LMTK3: variants seen among roughly 807,000 people sequenced by gnomAD.
LMTK3 encodes lemur tail kinase 3.
In LMTK3, 27 loss-of-function variants were observed where a neutral mutation model predicts 116.7. The ratio of observed to expected loss-of-function variants is 0.23; its 90% confidence interval spans 0.17 to 0.32. The LOEUF is 0.32. LMTK3 is among the 10% of genes least tolerant of loss of function. The pLI, the probability that LMTK3 is intolerant of heterozygous loss-of-function variation, is 1.00. For missense variants in LMTK3, 1,764 were observed against 2,068.5 expected, an observed-to-expected ratio of 0.85 and a Z score of 2.86; for synonymous variants, 965 against 971.0, an observed-to-expected ratio of 0.99 and a Z score of 0.11.
At chr19:48,509,278 G>A (rs1972618834) in intron 4 of LMTK3, among the ~76,000 whole-genome samples, 159 bp downstream of exon 4, 1 of 142,032 alleles carries the variant, frequency 7.0e-6, no homozygotes, top group Non-Finnish European at 1.6e-5. Context: ...GGGCGGGTGG[G>A]AGCCGGTGAG....
At chr19:48,493,428 A>C (rs1479377246) in intron 12 of LMTK3, among the ~76,000 whole-genome samples, 1 of 36,680 alleles carries the variant, frequency 2.7e-5, no homozygotes, top group African/African-American at 1.4e-4. Context: ...CTTAGGTCCC[A>C]CCCCAATTCA....
rs1342861036 is a variant in LMTK3, at chr19:48,500,475, A to G, written c.1151+521T>C. Among the ~76,000 whole-genome samples the G allele has an allele frequency of 1.3e-5, 2 of 152,030 alleles. No homozygotes were observed. Among genetic ancestry groups the G allele is most frequent in the African/African-American group, 4.8e-5 (2 of 41,436 alleles). On this transcript the variant is annotated intron_variant, in intron 10 of 14. Transcript: ENST00000600059. The surrounding 1 kb of genome is among the most constrained non-coding windows in gnomAD (Gnocchi z 4.0). ...GAGACCCAGAGAGAGAGGGACAGAG[A>G]CCCAGAGAGAGGGGGACAGAGACCT...
At chr19:48,485,933 C>T in intron 14 of LMTK3, 144 bp from the exon 15 acceptor site, 1 of 762,944 alleles carries the variant, frequency 1.3e-6, no homozygotes, top group South Asian at 1.9e-5. Flanking sequence ...TCACCTACCC[C>T]TCTTCTCCCC....
In LMTK3 at chr19:48,493,922, G is replaced by T. The variant is rs1334916394; in HGVS notation, c.3864C>A (p.Asp1288Glu). 33 of 1,030,492 alleles carry T rather than the reference G, an allele frequency of 3.2e-5. No homozygotes were observed. Among genetic ancestry groups the T allele is most frequent in the Non-Finnish European group, 3.8e-5 (33 of 863,360 alleles). 63.8% of individuals were successfully genotyped at this position (1,030,492 alleles called of 1,614,324 possible). A position where few individuals can be genotyped will look rare whatever the true frequency, so the allele number is the denominator to read the frequency against. The change falls in exon 12 of 15, where the codon GAC becomes GAA. Residue 1288 changes from aspartate (D) to glutamate (E), a missense_variant. Physicochemically the swap from Asp to Glu is conservative, Grantham distance 45 (BLOSUM62 2). Coordinates refer to ENST00000600059, the MANE Select transcript of LMTK3 (RefSeq NM_001388485.1). ...CCGCGCCCGGCGCCGCCGCCTCCTC[G>T]TCCTCCTCCTCGTCCTCGTCCTCGT... ...GEDEDEDEEEDEEAAAPGAAA... is the reference protein window; with the variant it reads ...GEDEDEDEEEEEEAAAPGAAA...
At chr19:48,503,105 G>A (rs1972502490) in intron 5 of LMTK3, 109 bp from the exon 6 acceptor site, 1 of 672,000 alleles carries the variant, frequency 1.5e-6, no homozygotes, top group South Asian at 1.7e-5. Flanking sequence ...TGTTGTTTTT[G>A]TTTGTTTGTT....
Position 48,491,192 on chromosome 19 carries a change from G to C in LMTK3, c.4282C>G (p.Pro1428Ala), listed in dbSNP as rs760762771. ...DFPLLPPPGP[P>A]LCFSRFSVSP... ...ACGGAGAAGCGGGAGAAGCACAGCG[G>C]GGGGCCTGGAGGGGGGAGGAGGGGG... is the stretch of plus-strand genomic sequence containing the variant. The change falls in exon 14 of 15, where the codon CCG (proline) becomes GCG (alanine). Residue 1428 changes from proline to alanine, a missense_variant. Transcript: ENST00000600059. This position sits in a 1 kb window ranked among gnomAD's most constrained non-coding sequence, Gnocchi z 5.1. The C allele has an allele frequency of 5.0e-6, 7 of 1,408,334 alleles. No individual in the cohort carries two copies. The Admixed American group carries it at 1.2e-4, about 24-fold the overall frequency. 87.2% of individuals were successfully genotyped at this position (1,408,334 alleles called of 1,614,324 possible). A position where few individuals can be genotyped will look rare whatever the true frequency, so the allele number is the denominator to read the frequency against.
At chr19:48,506,014 C>T (rs1350623569) in intron 5 of LMTK3, among the ~76,000 whole-genome samples, 2 of 149,284 alleles carry the variant, frequency 1.3e-5, no homozygotes, top group Non-Finnish European at 3.0e-5. Context: ...TGGTGGTGGG[C>T]GCCTGTAATC....
upstream of LMTK3, chr19:48,513,106 C>T: frequency 6.4e-7 from 1 of 1,570,978 alleles, no homozygotes; most frequent in Non-Finnish European, 8.7e-7. The surrounding 1 kb of genome is among the most constrained non-coding windows in gnomAD (Gnocchi z 5.6). Flanking sequence ...CAGACACAGA[C>T]ACGCGCACAG....
rs533782089 is a variant in LMTK3 at position 48,491,801 on chromosome 19, G to A, written c.4093-262C>T. On this transcript the variant is annotated intron_variant, in intron 12 of 14. Coordinates refer to ENST00000600059, the MANE Select transcript of LMTK3 (RefSeq NM_001388485.1). The surrounding 1 kb of genome is among the most constrained non-coding windows in gnomAD (Gnocchi z 5.1). ...GCACAGCTAAGTAGCCCAACGCAGG[G>A]ATTCTCTCCTGGCTCATTAACGTGA... Among the ~76,000 whole-genome samples the A allele has an allele frequency of 7.2e-5, 11 of 152,246 alleles. No homozygotes were observed. The highest frequency in any genetic ancestry group is 2.0e-4 in the Admixed American group (3 of 15,294).
rs1301106333 is a variant in LMTK3 at position 48,491,651 on chromosome 19, A to G, written c.4093-112T>C. ...ATATTTCTGGGGCTCTAGGAATCCC[A>G]ATTTGTAATCACTGACTCGCACGCT... On this transcript the variant is annotated intron_variant, in intron 12 of 14. Transcript: ENST00000600059. The surrounding 1 kb of genome is among the most constrained non-coding windows in gnomAD (Gnocchi z 5.1). 2 of 1,002,650 alleles carry G rather than the reference A, an allele frequency of 2.0e-6. No homozygotes were observed. Among genetic ancestry groups the G allele is most frequent in the African/African-American group, 3.4e-5 (2 of 59,292 alleles). The allele number at this position is 1,002,650 out of a possible 1,614,324, so 62.1% of individuals were successfully genotyped here.
At chr19:48,503,807 C>CTT (rs1972515990) in intron 5 of LMTK3, among the ~76,000 whole-genome samples, 1 of 151,622 alleles carries the variant, frequency 6.6e-6, no homozygotes, top group Non-Finnish European at 1.5e-5. Flanking sequence ...CTCTCTCTCT[C>CTT]TCTTTTTTTT....
Position 48,493,832 on chromosome 19 carries a change from G to C in LMTK3, c.3954C>G (p.Ala1318=). ...AAPVPVVVSS[A]DADAARPLRG... ...GCAGCGGGCGGGCCGCGTCCGCGTCGGCGCTGCTCACCACGACGGGCACCG... is the reference window on the plus strand; with the variant it reads ...GCAGCGGGCGGGCCGCGTCCGCGTCCGCGCTGCTCACCACGACGGGCACCG... The change falls in exon 12 of 15, where the codon GCC becomes GCG. Residue 1318 remains alanine, a synonymous_variant. Transcript: ENST00000600059. The C allele has an allele frequency of 1.4e-6, 2 of 1,472,684 alleles. No individual in the cohort carries two copies. Among genetic ancestry groups the C allele is most frequent in the Non-Finnish European group, 1.8e-6 (2 of 1,112,574 alleles). The allele number at this position is 1,472,684 out of a possible 1,614,324, so 91.2% of individuals were successfully genotyped here.
chr19:48,488,296 G>C (rs1363842917), intron 14 of LMTK3, among the ~76,000 whole-genome samples: 6 of 151,994 alleles, frequency 3.9e-5, no homozygotes, highest in African/African-American at 1.5e-4. Flanking sequence ...GGAAGAGTCA[G>C]CCCCCAGACC....
chr19:48,493,718 G>A lies in LMTK3; in HGVS notation c.4068C>T (p.Asp1356=). ...CCTGGTCGAAGAGGTAGACGGTCAC[G>A]TCCCCGTGGAAGGAGACCATCTTGC... ...RKRKMVSFHG[D]VTVYLFDQET... Residue 1356 remains aspartate, a synonymous_variant, in exon 12 of 15, where the codon GAC becomes GAT. Transcript: ENST00000600059. The A allele has an allele frequency of 6.3e-7, 1 of 1,576,738 alleles. No individual in the cohort carries two copies. Among genetic ancestry groups the A allele is most frequent in the Non-Finnish European group, 8.6e-7 (1 of 1,162,900 alleles).
intron 12 of LMTK3, among the ~76,000 whole-genome samples, chr19:48,493,351 C>A (rs1402532579): frequency 1.4e-5 from 2 of 147,518 alleles, no homozygotes; most frequent in African/African-American, 5.1e-5. Flanking sequence ...CCGCCCTCTC[C>A]CTGGGCCCCG....
chr19:48,508,796 C>T, intron 5 of LMTK3, 55 bp downstream of exon 5: 1 of 1,338,124 alleles, frequency 7.5e-7, no homozygotes, highest in East Asian at 2.3e-5. Context: ...AGCACTCCTT[C>T]CACTCCTGAA....
In LMTK3 at chr19:48,497,529, G is replaced by C; in HGVS notation, c.3540C>G (p.Ala1180=). 7.1e-7 allele frequency: 1 copy of C among 1,411,692 alleles called. No homozygotes were observed. The highest frequency in any genetic ancestry group is 9.3e-7 in the Non-Finnish European group (1 of 1,080,006). 87.4% of individuals were successfully genotyped at this position (1,411,692 alleles called of 1,614,324 possible). The change falls in exon 11 of 15, where the codon GCC becomes GCG. Residue 1180 remains alanine, a synonymous_variant. Coordinates refer to ENST00000600059, the MANE Select transcript of LMTK3 (RefSeq NM_001388485.1). This position sits in a 1 kb window ranked among gnomAD's most constrained non-coding sequence, Gnocchi z 5.7. ...PEVAPEGEPG[A]PDSRAGGDTA... is the part of the protein sequence containing the mutation. ...TGTCTCCGCCGGCCCTGCTGTCTGG[G>C]GCCCCGGGCTCTCCCTCGGGGGCCA...
At chr19:48,503,474 A>G (rs560867250) in intron 5 of LMTK3, among the ~76,000 whole-genome samples, 1 of 151,484 alleles carries the variant, frequency 6.6e-6, no homozygotes, top group Non-Finnish European at 1.5e-5. Context: ...GCAGGTCCCC[A>G]GGGACCCCTT....
intron 14 of LMTK3, among the ~76,000 whole-genome samples, chr19:48,487,317 G>T (rs1336132809): frequency 6.6e-6 from 1 of 152,108 alleles, no homozygotes; most frequent in African/African-American, 2.4e-5. Flanking sequence ...ACAAGTGTGA[G>T]CCACGCGCCC....
Sources: gnomAD v4.1 joint callset for allele counts (sites outside exome capture counted in the v4.1 genomes callset) on GRCh38, gnomAD v4.1.1 for gene constraint, Gnocchi (gnomAD v3.1) non-coding constraint, MANE v1.5 for transcripts, NCBI Gene and HGNC (gene_info 2026-07-23, HGNC 2026-07-21) for gene names.